AFG2A: variants seen among roughly 807,000 people sequenced by gnomAD.
AFG2A encodes ATPase family gene 2 protein homolog A.
At chr4:123,049,102 G>A in the AFG2A span, among the ~76,000 whole-genome samples, 1 of 152,026 alleles carries the variant, frequency 6.6e-6, no homozygotes, top group East Asian at 1.9e-4. Flanking sequence ...AGTTTTTTCA[G>A]CATCTGTTGA....
the AFG2A span, chr4:123,056,421 C>G: frequency 6.2e-7 from 1 of 1,612,664 alleles, no homozygotes; most frequent in Non-Finnish European, 8.5e-7. Context: ...GTTGGTGAAT[C>G]TGAAAGAGCA....
At chr4:122,947,709 A>G in the AFG2A span, among the ~76,000 whole-genome samples, 1 of 152,220 alleles carries the variant, frequency 6.6e-6, no homozygotes, top group Non-Finnish European at 1.5e-5. Context: ...TCTAAAGGAT[A>G]ACCACCATTA....
chr4:122,999,468 C>A, the AFG2A span, among the ~76,000 whole-genome samples: 1 of 152,116 alleles, frequency 6.6e-6, no homozygotes, highest in Admixed American at 6.5e-5. Context: ...TTTAATCCAT[C>A]TTGAATTAAT....
chr4:123,142,133 G>A, the AFG2A span, among the ~76,000 whole-genome samples: 5 of 152,082 alleles, frequency 3.3e-5, no homozygotes, highest in Admixed American at 6.5e-5. Context: ...TGGCTGTTTG[G>A]CATTAAATAT....
chr4:122,994,129 T>C, the AFG2A span, among the ~76,000 whole-genome samples: 1 of 152,218 alleles, frequency 6.6e-6, no homozygotes, highest in South Asian at 2.1e-4. Context: ...TAGTCTATTA[T>C]TAACCTCATG....
At chr4:122,984,791 G>T in the AFG2A span, among the ~76,000 whole-genome samples, 44 of 152,164 alleles carry the variant, frequency 2.9e-4, no homozygotes, top group Non-Finnish European at 1.0e-4. Context: ...TGCATCCCTG[G>T]TATGAAACCC....
chr4:123,240,220 A>G, the AFG2A span, among the ~76,000 whole-genome samples: 32 of 152,228 alleles, frequency 2.1e-4, no homozygotes, highest in African/African-American at 7.5e-4. Flanking sequence ...TATTAGATCA[A>G]CGTGACAGAA....
chr4:123,098,664 A>G, the AFG2A span, among the ~76,000 whole-genome samples: 1 of 152,138 alleles, frequency 6.6e-6, no homozygotes, highest in East Asian at 1.9e-4. Flanking sequence ...AATGTCCTCC[A>G]GGTTGATCCA....
the AFG2A span, chr4:123,256,064 C>T: frequency 6.2e-7 from 1 of 1,614,054 alleles, no homozygotes; most frequent in Non-Finnish European, 8.5e-7. Flanking sequence ...TGTGCCTTTA[C>T]CGGATGCAGC....
the AFG2A span, among the ~76,000 whole-genome samples, chr4:123,171,201 A>G: frequency 1.3e-5 from 2 of 152,224 alleles, no homozygotes; most frequent in Non-Finnish European, 2.9e-5. Context: ...TTTTGTAACA[A>G]TTAAAGCAGT....
At chr4:122,966,239 G>T in the AFG2A span, among the ~76,000 whole-genome samples, 1 of 152,158 alleles carries the variant, frequency 6.6e-6, no homozygotes, top group Non-Finnish European at 1.5e-5. Flanking sequence ...AAGGCCTGTG[G>T]CAGGGGTCTC....
At chr4:123,085,920 T>C in the AFG2A span, among the ~76,000 whole-genome samples, 1 of 152,040 alleles carries the variant, frequency 6.6e-6, no homozygotes, top group African/African-American at 2.4e-5. Context: ...ATTTCTACTT[T>C]CAAATAGCCC....
At chr4:123,241,648 A>G in the AFG2A span, among the ~76,000 whole-genome samples, 1 of 152,220 alleles carries the variant, frequency 6.6e-6, no homozygotes, top group African/African-American at 2.4e-5. Flanking sequence ...AATAAGAGCT[A>G]TTTATGACAA....
chr4:123,006,240 A>AT, the AFG2A span, among the ~76,000 whole-genome samples: 3 of 150,508 alleles, frequency 2.0e-5, no homozygotes, highest in South Asian at 2.1e-4. Context: ...TCTGTCTTGT[A>AT]TTTTTTTTGA....
chr4:123,041,113 T>TATC, the AFG2A span, among the ~76,000 whole-genome samples: 1 of 151,076 alleles, frequency 6.6e-6, no homozygotes, highest in African/African-American at 2.4e-5. Context: ...TTTTATTTAT[T>TATC]ATTATTATTA....
chr4:123,027,968 AT>A, the AFG2A span, among the ~76,000 whole-genome samples: 3 of 147,930 alleles, frequency 2.0e-5, no homozygotes, highest in Admixed American at 6.8e-5. Flanking sequence ...TACAAGCAGA[AT>A]TTTTTTTTTT....
chr4:123,037,425 G>A, the AFG2A span, among the ~76,000 whole-genome samples: 1 of 151,974 alleles, frequency 6.6e-6, no homozygotes, highest in Non-Finnish European at 1.5e-5. Context: ...CTCAATTAAT[G>A]GTACTTATTA....
chr4:122,953,449 G>T, the AFG2A span, among the ~76,000 whole-genome samples: 1 of 152,238 alleles, frequency 6.6e-6, no homozygotes, highest in Non-Finnish European at 1.5e-5. Flanking sequence ...CACGCACAGT[G>T]TGTTTATTCT....
At chr4:123,144,145 T>C in the AFG2A span, among the ~76,000 whole-genome samples, 1 of 152,030 alleles carries the variant, frequency 6.6e-6, no homozygotes, top group African/African-American at 2.4e-5. Context: ...ACCTATGGGG[T>C]TGACAACTTT....
Sources: gnomAD v4.1 joint callset for allele counts (sites outside exome capture counted in the v4.1 genomes callset) on GRCh38, gnomAD v4.1.1 for gene constraint, MANE v1.5 for transcripts, NCBI Gene and HGNC (gene_info 2026-07-23, HGNC 2026-07-21) for gene names.